Variants in JUP observed in about 807,000 individuals in gnomAD.
The protein encoded by JUP is catenin (cadherin-associated protein), gamma 80kDa.
A neutral mutation model predicts 71.1 loss-of-function variants in JUP; 28 were observed. That is an observed-to-expected ratio of 0.39 (90% CI 0.29 to 0.54). The LOEUF (loss-of-function observed/expected upper bound fraction) is 0.54, where lower values mean the gene tolerates loss of function less well. Ranked by LOEUF, JUP falls within the 20% of genes least tolerant of loss-of-function variation. The probability of loss-of-function intolerance (pLI) is 0.62; values close to 1 mark genes in which losing one functional copy is unlikely to be tolerated. For missense variants in JUP, 869 were observed against 1,030.1 expected, an observed-to-expected ratio of 0.84 and a Z score of 2.14; for synonymous variants, 401 against 438.9, an observed-to-expected ratio of 0.91 and a Z score of 1.08.
chr17:41,784,679 A>G (rs769271513), intron 1 of JUP, among the ~76,000 whole-genome samples: 9 of 152,028 alleles, frequency 5.9e-5, no homozygotes, highest in Non-Finnish European at 1.0e-4. Context: ...ACTTCCCCCT[A>G]GCACAGGGCT....
chr17:41,763,784 C>T (rs1915266087), intron 7 of JUP, among the ~76,000 whole-genome samples: 2 of 152,182 alleles, frequency 1.3e-5, no homozygotes, highest in South Asian at 4.1e-4. Context: ...TTCACTGCTG[C>T]CCCACCACCC....
At chr17:41,777,196 T>C (rs1555609012) in intron 1 of JUP, among the ~76,000 whole-genome samples, 1 of 151,426 alleles carries the variant, frequency 6.6e-6, no homozygotes, top group Non-Finnish European at 1.5e-5. Context: ...AGAAGGGGAG[T>C]GGAACTTCGC....
chr17:41,776,220 GAC>G (rs2046878354), intron 1 of JUP, among the ~76,000 whole-genome samples: 1 of 152,250 alleles, frequency 6.6e-6, no homozygotes. Flanking sequence ...ACCCTGTGCA[GAC>G]ACAGGTCCCC....
rs1393360919 is a variant in JUP at position 41,755,228 on chromosome 17, C to T, written c.*516G>A. On this transcript the variant is annotated 3_prime_UTR_variant, in exon 14 of 14. Transcript: ENST00000393931. ...TCTGAAGCTTTAGTGGCCAGGGCCACAGGGGCGGGGAGGGGGTGTCAGGCC... is the reference window on the plus strand; with the variant it reads ...TCTGAAGCTTTAGTGGCCAGGGCCATAGGGGCGGGGAGGGGGTGTCAGGCC... 5.0e-6 allele frequency: 2 copies of T among 398,638 alleles called. No individual in the cohort carries two copies. Among genetic ancestry groups the T allele is most frequent in the Admixed American group, 4.4e-5 (1 of 22,706 alleles). The allele number at this position is 398,638 out of a possible 1,614,324, so 24.7% of individuals were successfully genotyped here.
At chr17:41,783,407 C>T (rs1375179021) in intron 1 of JUP, among the ~76,000 whole-genome samples, 1 of 150,930 alleles carries the variant, frequency 6.6e-6, no homozygotes, top group African/African-American at 2.4e-5. Context: ...CCCACCTCAA[C>T]ATTCCCAGTA....
At chr17:41,764,611 A>T in intron 7 of JUP, 102 bp downstream of exon 7, 2 of 821,666 alleles carry the variant, frequency 2.4e-6, no homozygotes, top group Non-Finnish European at 4.2e-6. Flanking sequence ...AGAGAGATTT[A>T]GAGCCCCCAG....
At position 41,767,494 on chromosome 17, in the gene JUP, C is replaced by T. The variant is rs782440692; in HGVS notation, c.794G>A (p.Arg265His). ...CATCTTTTGCAGCCCGTCGGCCAGG[C>T]GCACGGCCATCTTGGCGCCCTCCTG... ...LYQEGAKMAV[R>H]LADGLQKMVP... The change falls in exon 5 of 14, where the codon CGC becomes CAC. Residue 265 changes from arginine to histidine, a missense_variant. By Grantham distance (29) the Arg-to-His change is conservative. Coordinates refer to ENST00000393931, the MANE Select transcript of JUP (RefSeq NM_002230.4). 4 of 1,613,816 alleles carry T rather than the reference C, an allele frequency of 2.5e-6. No homozygotes were observed. Among genetic ancestry groups the T allele is most frequent in the African/African-American group, 1.3e-5 (1 of 74,862 alleles).
At chr17:41,757,862 G>A (rs1914120991) in intron 10 of JUP, 78 bp from the exon 11 acceptor site, 8 of 1,229,420 alleles carry the variant, frequency 6.5e-6, no homozygotes, top group African/African-American at 6.0e-5. Context: ...CCACAGCACT[G>A]CCCACCTCCA....
At chr17:41,775,991 T>C in intron 1 of JUP, 1 of 985,408 alleles carries the variant, frequency 1.0e-6, no homozygotes, top group Non-Finnish European at 1.2e-6. Context: ...ACCAGGCTCC[T>C]TCCCCAGCCG....
At chr17:41,756,698 G>A (rs181177925) in intron 12 of JUP, among the ~76,000 whole-genome samples, 29 of 152,156 alleles carry the variant, frequency 1.9e-4, no homozygotes, top group African/African-American at 2.9e-4. Flanking sequence ...GGAGACAATC[G>A]AGATCATCCT....
intron 5 of JUP, among the ~76,000 whole-genome samples, chr17:41,765,305 G>C (rs1377123474): frequency 6.6e-6 from 1 of 152,030 alleles, no homozygotes; most frequent in Non-Finnish European, 1.5e-5. Context: ...CAAAGTGCTG[G>C]GATTACAGAT....
chr17:41,775,923 A>G, intron 1 of JUP: 3 of 979,036 alleles, frequency 3.1e-6, no homozygotes. Context: ...TAAATCCAAG[A>G]CTGACCTGGC....
intron 4 of JUP, among the ~76,000 whole-genome samples, chr17:41,768,191 G>T (rs1480305775): frequency 6.6e-6 from 1 of 152,178 alleles, no homozygotes; most frequent in Non-Finnish European, 1.5e-5. Context: ...CTGAGGTCAG[G>T]AGTTCAAGAC....
chr17:41,773,132 G>A (rs1237921493), intron 1 of JUP, among the ~76,000 whole-genome samples: 3 of 152,210 alleles, frequency 2.0e-5, no homozygotes, highest in East Asian at 3.8e-4. Flanking sequence ...ACATCCCGGC[G>A]CAGCCTCAGT....
rs782604390 is a variant in JUP at position 41,756,187 on chromosome 17, G to A, written c.2074C>T (p.Pro692Ser). The A allele has an allele frequency of 6.2e-7, 1 of 1,613,862 alleles. No homozygotes were observed. Among genetic ancestry groups the A allele is most frequent in the South Asian group, 1.1e-5 (1 of 90,988 alleles). ...AAQSMIPINE[P>S]YGDDMDATYR... ...GGCACACACTTACCATCTCCATAGG[G>A]CTCATTGATGGGAATCATGCTCTGG... is the stretch of plus-strand genomic sequence containing the variant. The change falls in exon 13 of 14, where the codon CCC becomes TCC. Residue 692 changes from proline to serine, a missense_variant. Coordinates refer to ENST00000393931, the MANE Select transcript of JUP (RefSeq NM_002230.4).
At chr17:41,771,995 T>A in intron 1 of JUP, 133 bp from the exon 2 acceptor site, 1 of 860,458 alleles carries the variant, frequency 1.2e-6, no homozygotes, top group East Asian at 2.6e-5. Context: ...GGATGCAGGC[T>A]GGGGATGGGG....
intron 13 of JUP, 134 bp from the exon 14 acceptor site, chr17:41,756,029 A>C: frequency 7.5e-7 from 1 of 1,341,940 alleles, no homozygotes; most frequent in Non-Finnish European, 1.0e-6. Flanking sequence ...ACCCCACACC[A>C]GGGCATCTAG....
intron 1 of JUP, among the ~76,000 whole-genome samples, chr17:41,780,128 G>T (rs2047090405): frequency 6.6e-6 from 1 of 152,174 alleles, no homozygotes; most frequent in African/African-American, 2.4e-5. Context: ...TGGGCATGGT[G>T]GCTCATGCCC....
At chr17:41,773,911 T>G (rs1555607867) in intron 1 of JUP, among the ~76,000 whole-genome samples, 1 of 152,190 alleles carries the variant, frequency 6.6e-6, no homozygotes. Context: ...GCCGCTCTGC[T>G]GGGCTCAAGG....
Sources: gnomAD v4.1 joint callset for allele counts (sites outside exome capture counted in the v4.1 genomes callset) on GRCh38, gnomAD v4.1.1 for gene constraint, MANE v1.5 for transcripts, NCBI Gene and HGNC (gene_info 2026-07-23, HGNC 2026-07-21) for gene names.